MARCHF10: variants seen among roughly 807,000 people sequenced by gnomAD.
MARCHF10 encodes probable E3 ubiquitin-protein ligase MARCHF10.
A neutral mutation model predicts 76.2 loss-of-function variants in MARCHF10; 64 were observed. The observed-to-expected ratio is 0.84, with a 90% confidence interval of 0.69 to 1.03. The LOEUF (loss-of-function observed/expected upper bound fraction) is 1.03. Ranked by LOEUF, MARCHF10 falls within the 50% of genes least tolerant of loss-of-function variation. The pLI, the probability that MARCHF10 is intolerant of heterozygous loss-of-function variation, is 0.00. For synonymous variants in MARCHF10, 340 were observed against 357.5 expected (o/e 0.95, Z 0.55); for missense variants, 875 against 958.0 (o/e 0.91, Z 1.14).
rs180990615 is a variant in MARCHF10, at chr17:62,793,641, C to G, written c.91-5042G>C. 8.7e-5 allele frequency among the ~76,000 whole-genome samples: 13 copies of G among 149,498 alleles called. No homozygotes were observed. The East Asian group carries it at 2.4e-3, about 28-fold the overall frequency. On this transcript the variant is annotated intron_variant, in intron 2 of 10. Coordinates refer to ENST00000311269, the MANE Select transcript of MARCHF10 (RefSeq NM_152598.4). ...ACCTCCACCACCACAACCCCATCAA[C>G]CACCACCATCACACCTCCATCAACC... is the stretch of plus-strand genomic sequence containing the variant.
intron 3 of MARCHF10, among the ~76,000 whole-genome samples, chr17:62,785,624 C>T (rs1437826553): frequency 6.6e-6 from 1 of 151,966 alleles, no homozygotes; most frequent in African/African-American, 2.4e-5. Flanking sequence ...TGCAATCTAC[C>T]CATCTGACAA....
chr17:62,790,351 T>C (rs962164315), intron 2 of MARCHF10, among the ~76,000 whole-genome samples: 2 of 152,142 alleles, frequency 1.3e-5, no homozygotes, highest in Admixed American at 1.3e-4. Flanking sequence ...AATTTTTGTA[T>C]TTTTAGTAGA....
chr17:62,765,192 CA>C (rs34541663), intron 3 of MARCHF10, among the ~76,000 whole-genome samples: 149,999 of 151,008 alleles, frequency 0.99, 74,498 homozygotes, highest in East Asian at 1. Flanking sequence ...ACTGAAAATA[CA>C]AAAAAAAAAT....
In MARCHF10 at chr17:62,740,081, T is replaced by TGC. The variant is rs986306836; in HGVS notation, c.536-2751_536-2750dup. ...GTGTGTGTGTGTGTGTGTGTGTGTGTGCGTGTGTGTGTGTGTTTCCCCTAA... is the reference window on the plus strand; with the variant it reads ...GTGTGTGTGTGTGTGTGTGTGTGTGTGCGCGTGTGTGTGTGTGTTTCCCCTAA... On this transcript the variant is annotated intron_variant, in intron 5 of 10. Coordinates refer to ENST00000311269, the MANE Select transcript of MARCHF10 (RefSeq NM_152598.4). 3.5e-3 allele frequency among the ~76,000 whole-genome samples: 290 copies of TGC among 83,498 alleles called. 5 individuals carry two copies. The highest frequency in any genetic ancestry group is 8.8e-3 in the African/African-American group (272 of 31,052). The allele number at this position is 83,498 out of a possible 152,430, so 54.8% of individuals were successfully genotyped here. A position where few individuals can be genotyped will look rare whatever the true frequency, so the allele number is the denominator to read the frequency against.
rs964810210 is a variant in MARCHF10, at chr17:62,801,586, T to C, written c.90+60A>G. On this transcript the variant is annotated intron_variant, in intron 2 of 10. Transcript: ENST00000311269. Reference sequence around the variant, plus strand: ...CTTATCATACGTTGATGCTGTATTCTGAATTCTCTCTAAATACTGCAAGAG... The same window carrying C: ...CTTATCATACGTTGATGCTGTATTCCGAATTCTCTCTAAATACTGCAAGAG... 1.0e-5 allele frequency: 15 copies of C among 1,437,238 alleles called. No individual in the cohort carries two copies. In the Admixed American group the frequency reaches 1.7e-4, roughly 16 times the overall value. The allele number at this position is 1,437,238 out of a possible 1,614,324, so 89.0% of individuals were successfully genotyped here.
intron 2 of MARCHF10, among the ~76,000 whole-genome samples, chr17:62,791,647 T>A (rs1389331637): frequency 6.6e-6 from 1 of 152,246 alleles, no homozygotes; most frequent in Non-Finnish European, 1.5e-5. Flanking sequence ...TCTTTCTACG[T>A]AAATCAAACA....
intron 3 of MARCHF10, among the ~76,000 whole-genome samples, chr17:62,765,715 T>C (rs972650780): frequency 3.9e-5 from 6 of 152,182 alleles, no homozygotes; most frequent in Non-Finnish European, 7.3e-5. Context: ...GTACTTCTTA[T>C]GATGCCAGGC....
intron 5 of MARCHF10, among the ~76,000 whole-genome samples, chr17:62,740,014 C>T (rs1483097388): frequency 6.6e-6 from 1 of 151,568 alleles, no homozygotes; most frequent in African/African-American, 2.4e-5. Flanking sequence ...CCACAATGGT[C>T]TTCCTCTTTA....
At chr17:62,807,673 G>A (rs942082855) in intron 1 of MARCHF10, among the ~76,000 whole-genome samples, 1 of 152,080 alleles carries the variant, frequency 6.6e-6, no homozygotes, top group Admixed American at 6.5e-5. Context: ...TGAGGCGGGA[G>A]GATCGCTTGA....
In MARCHF10 at chr17:62,712,268, G is replaced by T. The variant is rs1026232618; in HGVS notation, c.2215-924C>A. ...CGGGGAATAGAGTCCCCAGCAGAGG[G>T]CATGGCCCCTTCCGTCACCCTTGGG... On this transcript the variant is annotated intron_variant, in intron 8 of 10. Transcript: ENST00000311269. This position sits in a 1 kb window ranked among gnomAD's most constrained non-coding sequence, Gnocchi z 4.2. 6.6e-6 allele frequency among the ~76,000 whole-genome samples: 1 copy of T among 152,232 alleles called. No homozygotes were observed. Among genetic ancestry groups the T allele is most frequent in the Non-Finnish European group, 1.5e-5 (1 of 68,040 alleles).
intron 3 of MARCHF10, among the ~76,000 whole-genome samples, chr17:62,777,040 C>T (rs774808124): frequency 1.4e-4 from 22 of 152,212 alleles, no homozygotes; most frequent in Non-Finnish European, 2.8e-4. Flanking sequence ...CCTTACCAAA[C>T]CATTCTCCCG....
intron 3 of MARCHF10, among the ~76,000 whole-genome samples, chr17:62,785,985 G>C (rs933292992): frequency 6.6e-6 from 1 of 152,132 alleles, no homozygotes; most frequent in African/African-American, 2.4e-5. Context: ...AATTCCTCAA[G>C]GATCTAGAAC....
At chr17:62,744,634 G>T in intron 4 of MARCHF10, 106 bp from the exon 5 acceptor site, 1 of 1,263,166 alleles carries the variant, frequency 7.9e-7, no homozygotes, top group Non-Finnish European at 1.1e-6. Context: ...GGGGTTAGGT[G>T]GAAGGGCAGT....
intron 6 of MARCHF10, among the ~76,000 whole-genome samples, chr17:62,727,427 G>A (rs2090813909): frequency 6.6e-6 from 1 of 152,126 alleles, no homozygotes; most frequent in African/African-American, 2.4e-5. Context: ...CTAGCACTTT[G>A]GGAAGCCGAG....
At chr17:62,797,045 T>C (rs2092997454) in intron 2 of MARCHF10, among the ~76,000 whole-genome samples, 1 of 152,144 alleles carries the variant, frequency 6.6e-6, no homozygotes, top group South Asian at 2.1e-4. Flanking sequence ...AAAGACAATT[T>C]GCAATGCAGT....
intron 2 of MARCHF10, among the ~76,000 whole-genome samples, chr17:62,793,368 AACC>A (rs1327630756): frequency 1.8e-5 from 2 of 108,404 alleles, no homozygotes; most frequent in African/African-American, 3.7e-5. Context: ...CACCTCCATC[AACC>A]ACCACCACCT....
intron 2 of MARCHF10, among the ~76,000 whole-genome samples, chr17:62,799,892 C>T (rs537145643): frequency 5.7e-4 from 87 of 152,336 alleles, no homozygotes; most frequent in African/African-American, 2.0e-3. Flanking sequence ...TGCCTCAGGG[C>T]CTTTGCACTG....
chr17:62,772,094 T>A (rs1395341864), intron 3 of MARCHF10, among the ~76,000 whole-genome samples: 1 of 152,200 alleles, frequency 6.6e-6, no homozygotes, highest in Non-Finnish European at 1.5e-5. Context: ...CCCATTCTGA[T>A]GCATAATATG....
At chr17:62,725,476 A>G (rs886126610) in intron 6 of MARCHF10, among the ~76,000 whole-genome samples, 2 of 152,146 alleles carry the variant, frequency 1.3e-5, no homozygotes, top group African/African-American at 2.4e-5. Flanking sequence ...TGTTGCCCAG[A>G]CTGGTCTTGA....
Sources: allele counts gnomAD v4.1 joint callset (sites outside exome capture counted in the v4.1 genomes callset), GRCh38; gene constraint gnomAD v4.1.1; non-coding constraint Gnocchi (gnomAD v3.1); transcripts MANE v1.5; gene names NCBI Gene and HGNC (gene_info 2026-07-23, HGNC 2026-07-21).